The following APMAP variants were observed in gnomAD, a reference collection of about 807,000 sequenced individuals.
APMAP encodes adipocyte plasma membrane associated protein, also known as adipocyte plasma membrane-associated protein.
A neutral mutation model predicts 43.6 loss-of-function variants in APMAP; 33 were observed. The observed-to-expected ratio is 0.76, with a 90% CI of 0.57 to 1.01. The LOEUF (loss-of-function observed/expected upper bound fraction) is 1.01. Among genes scored for constraint, APMAP ranks in the 50% least tolerant of loss-of-function variants. APMAP has a pLI of 0.00. For synonymous variants in APMAP, 224 were observed against 216.7 expected (o/e 1.03, Z -0.30); for missense variants, 498 against 540.7 (o/e 0.92, Z 0.78).
At position 24,978,864 on chromosome 20, in the gene APMAP, G is replaced by C. The variant is rs1192457742; in HGVS notation, c.231C>G (p.Leu77=). Residue 77 remains leucine, a synonymous_variant, in exon 3 of 9, where the codon CTC becomes CTG. Coordinates refer to ENST00000217456, the MANE Select transcript of APMAP (RefSeq NM_020531.3). ...TATTTGGATGCAGAACACCAAGCAA[G>C]AGCGGGGGTTCTTTGAAGCTGCAAA... is the stretch of plus-strand genomic sequence containing the variant. ...PQPLSFKEPP[L]LLGVLHPNTK... is the part of the protein sequence containing the mutation. The C allele has an allele frequency of 6.2e-7, 1 of 1,613,674 alleles. No individual in the cohort carries two copies. The highest frequency in any genetic ancestry group is 8.5e-7 in the Non-Finnish European group (1 of 1,179,742).
intron 3 of APMAP, 76 bp from the exon 4 acceptor site, chr20:24,973,813 G>A (rs1010284898): frequency 1.4e-5 from 19 of 1,331,262 alleles, no homozygotes; most frequent in Admixed American, 5.3e-5. Context: ...TCCTACAAGA[G>A]GGCTTGTTTA....
Position 24,971,539 on chromosome 20 carries a change from C to T in APMAP, c.459G>A (p.Leu153=). 6.2e-7 allele frequency: 1 copy of T among 1,614,214 alleles called. No homozygotes were observed. Among genetic ancestry groups the T allele is most frequent in the South Asian group, 1.1e-5 (1 of 91,084 alleles). Residue 153 remains leucine, a synonymous_variant, in exon 5 of 9, where the codon CTG becomes CTA. Coordinates refer to ENST00000217456, the MANE Select transcript of APMAP (RefSeq NM_020531.3). ...TCCCATTGGGCCCTGCACGGATACC[C>T]AGGGGTCTCCCACACACAGGCTCAT... ...RDDEPVCGRP[L]GIRAGPNGTL... is the part of the protein sequence containing the mutation.
At chr20:24,977,276 T>C (rs2088058107) in intron 3 of APMAP, among the ~76,000 whole-genome samples, 1 of 152,258 alleles carries the variant, frequency 6.6e-6, no homozygotes, top group African/African-American at 2.4e-5. Context: ...ATGGCATGTG[T>C]GCAGAAAAAG....
Position 24,970,324 on chromosome 20 carries a change from T to C in APMAP, c.586A>G (p.Asn196Asp). 1 of 1,614,010 alleles carries C rather than the reference T, an allele frequency of 6.2e-7. No homozygotes were observed. Among genetic ancestry groups the C allele is most frequent in the East Asian group, 2.2e-5 (1 of 44,876 alleles). The change falls in exon 6 of 9, where the codon AAC becomes GAC. Residue 196 changes from asparagine to aspartate, a missense_variant. Physicochemically the swap from Asn to Asp is conservative, Grantham distance 23 (BLOSUM62 1). Transcript: ENST00000217456. ...LSSETPIEGK[N>D]MSFVNDLTVT... is the part of the protein sequence containing the mutation. ...GTAAGATCATTCACAAAGGACATGTTCTTCCCCTCAATGGGTGTCTCGGAG... is the reference window on the plus strand; with the variant it reads ...GTAAGATCATTCACAAAGGACATGTCCTTCCCCTCAATGGGTGTCTCGGAG...
At chr20:24,969,690 G>A in intron 6 of APMAP, 30 bp from the exon 7 acceptor site, 1 of 1,590,340 alleles carries the variant, frequency 6.3e-7, no homozygotes. Context: ...GAGGGTTATG[G>A]GGGAGAATCC....
At chr20:24,967,875 A>G (rs2087959435) in intron 8 of APMAP, among the ~76,000 whole-genome samples, 1 of 152,194 alleles carries the variant, frequency 6.6e-6, no homozygotes, top group Non-Finnish European at 1.5e-5. Context: ...CAGATTTCTC[A>G]ACAGATTAGG....
At chr20:24,965,904 T>C (rs1052733511) in intron 8 of APMAP, among the ~76,000 whole-genome samples, 5 of 152,112 alleles carry the variant, frequency 3.3e-5, no homozygotes, top group Middle Eastern at 3.2e-3. Context: ...ATCAGTCCTG[T>C]GGTGTTGTCA....
At chr20:24,984,322 T>C (rs901364509) in intron 1 of APMAP, among the ~76,000 whole-genome samples, 35 of 152,322 alleles carry the variant, frequency 2.3e-4, no homozygotes, top group African/African-American at 8.2e-4. Flanking sequence ...AAAGAACTGA[T>C]GAACACAAAA....
intron 3 of APMAP, among the ~76,000 whole-genome samples, chr20:24,978,052 C>G (rs1386352637): frequency 6.6e-6 from 1 of 152,218 alleles, no homozygotes; most frequent in African/African-American, 2.4e-5. Context: ...ATATCCACAG[C>G]CACCCACTGC....
At chr20:24,979,185 C>T (rs2088078636) in intron 2 of APMAP, among the ~76,000 whole-genome samples, 1 of 152,216 alleles carries the variant, frequency 6.6e-6, no homozygotes, top group Non-Finnish European at 1.5e-5. Flanking sequence ...CCATCCAATG[C>T]CTCAGGGCAG....
intron 5 of APMAP, 140 bp from the exon 6 acceptor site, chr20:24,970,511 A>T (rs922655167): frequency 1.1e-5 from 9 of 813,694 alleles, no homozygotes; most frequent in Non-Finnish European, 1.5e-5. Flanking sequence ...ATTCCTTCTT[A>T]TAGTAAAAAC....
At chr20:24,966,345 C>T (rs1439304928) in intron 8 of APMAP, among the ~76,000 whole-genome samples, 1 of 152,178 alleles carries the variant, frequency 6.6e-6, no homozygotes, top group Non-Finnish European at 1.5e-5. Context: ...TAAGATGGCA[C>T]TGGTGATTAC....
intron 8 of APMAP, 48 bp downstream of exon 8, chr20:24,968,844 T>C (rs376767058): frequency 2.6e-6 from 4 of 1,522,286 alleles, no homozygotes; most frequent in Non-Finnish European, 3.6e-6. Flanking sequence ...AAAATATGAT[T>C]CAATTCATTT....
chr20:24,976,816 C>T (rs1003808990), intron 3 of APMAP, among the ~76,000 whole-genome samples: 27 of 152,346 alleles, frequency 1.8e-4, no homozygotes, highest in African/African-American at 6.3e-4. Context: ...AACTGTGGCA[C>T]ATCCATACAA....
At chr20:24,970,059 A>G (rs959637259) in intron 6 of APMAP, 138 bp downstream of exon 6, 3 of 1,071,422 alleles carry the variant, frequency 2.8e-6, no homozygotes, top group Non-Finnish European at 4.0e-6. Context: ...TGCCTCCAGA[A>G]GCCACTAAGG....
intron 8 of APMAP, 152 bp downstream of exon 8, chr20:24,968,740 T>C: frequency 1.3e-6 from 1 of 790,488 alleles, no homozygotes; most frequent in Non-Finnish European, 1.9e-6. Context: ...TGTTTAAATC[T>C]GCATTTCAGG....
In APMAP at chr20:24,971,447, T is replaced by C. The variant is rs753468882; in HGVS notation, c.538+13A>G. Reference sequence around the variant, plus strand: ...AAAATCTTCATAGAAGGAAACGAGATATTGTCACATACGTTTCCAGGGATT... The same window carrying C: ...AAAATCTTCATAGAAGGAAACGAGACATTGTCACATACGTTTCCAGGGATT... On this transcript the variant is annotated intron_variant, in intron 5 of 8. Coordinates refer to ENST00000217456, the MANE Select transcript of APMAP (RefSeq NM_020531.3). 4.4e-6 allele frequency: 7 copies of C among 1,596,190 alleles called. No homozygotes were observed. Among genetic ancestry groups the C allele is most frequent in the Non-Finnish European group, 6.0e-6 (7 of 1,163,928 alleles).
At chr20:24,978,132 A>G (rs988606413) in intron 3 of APMAP, among the ~76,000 whole-genome samples, 5 of 152,248 alleles carry the variant, frequency 3.3e-5, no homozygotes, top group African/African-American at 1.2e-4. Flanking sequence ...CCCATACCAG[A>G]TTAAGTTTTA....
intron 1 of APMAP, 62 bp downstream of exon 1, chr20:24,992,532 A>T (rs1478071308): frequency 2.9e-6 from 4 of 1,372,138 alleles, no homozygotes; most frequent in Non-Finnish European, 2.9e-6. Context: ...CCGCTGTCCA[A>T]GAGGGTCGCC....
Sources: allele counts gnomAD v4.1 joint callset (sites outside exome capture counted in the v4.1 genomes callset), GRCh38; gene constraint gnomAD v4.1.1; transcripts MANE v1.5; gene names NCBI Gene and HGNC (gene_info 2026-07-23, HGNC 2026-07-21).